NPLOC4: variants seen among roughly 807,000 people sequenced by gnomAD.
NPLOC4 encodes nuclear protein localization protein 4 homolog.
In NPLOC4, 18 loss-of-function variants were observed where a neutral mutation model predicts 80.6. The ratio of observed to expected loss-of-function variants is 0.22; its 90% CI spans 0.15 to 0.33. NPLOC4 has a LOEUF of 0.33. Ranked by LOEUF, NPLOC4 falls within the 10% of genes least tolerant of loss-of-function variation. NPLOC4 has a pLI of 1.00. For synonymous variants in NPLOC4, 313 were observed against 301.5 expected, an observed-to-expected ratio of 1.04 and a Z score of -0.39; for missense variants, 540 against 786.1, an observed-to-expected ratio of 0.69 and a Z score of 3.74.
rs909174696 is a variant in NPLOC4 at position 81,575,649 on chromosome 17, C to T, written c.1282-3561G>A. On this transcript the variant is annotated intron_variant, in intron 12 of 16. Transcript: ENST00000331134. ...AGCTGTGTAGAGACTGGGCCCCCCACACTACGTGCGCAGGCTCCCCGCCTC... is the reference window on the plus strand; with the variant it reads ...AGCTGTGTAGAGACTGGGCCCCCCATACTACGTGCGCAGGCTCCCCGCCTC... Among the ~76,000 whole-genome samples the T allele has an allele frequency of 1.0e-3, 156 of 152,278 alleles. 1 individual carries two copies. The highest frequency in any genetic ancestry group is 1.9e-4 in the East Asian group (1 of 5,166).
chr17:81,616,160 TA>T (rs778399557), intron 3 of NPLOC4, among the ~76,000 whole-genome samples: 36 of 140,934 alleles, frequency 2.6e-4, no homozygotes, highest in South Asian at 4.5e-4. Context: ...CTGCTAAAAA[TA>T]AAAAAAAAAA....
At chr17:81,624,658 G>A (rs889035583) in intron 2 of NPLOC4, among the ~76,000 whole-genome samples, 2 of 152,108 alleles carry the variant, frequency 1.3e-5, no homozygotes, top group Non-Finnish European at 2.9e-5. Context: ...CCAACAAATG[G>A]GGGAGACAAA....
At chr17:81,627,025 G>A (rs2035812361) in intron 2 of NPLOC4, among the ~76,000 whole-genome samples, 2 of 151,802 alleles carry the variant, frequency 1.3e-5, no homozygotes, top group African/African-American at 2.4e-5. Flanking sequence ...GGGAGGCGGA[G>A]GTTGCAGTGA....
intron 1 of NPLOC4, chr17:81,630,018 T>G (rs968741687): frequency 9.9e-6 from 5 of 503,438 alleles, no homozygotes; most frequent in African/African-American, 9.6e-5. Context: ...AAGAGTACTG[T>G]CCTCTCAACT....
At chr17:81,602,519 A>G (rs1430055290) in intron 8 of NPLOC4, among the ~76,000 whole-genome samples, 1 of 152,082 alleles carries the variant, frequency 6.6e-6, no homozygotes, top group Admixed American at 6.6e-5. Flanking sequence ...CCTGACCAAC[A>G]TGGTGAAACC....
At chr17:81,559,755 T>C (rs1278546161) in intron 16 of NPLOC4, among the ~76,000 whole-genome samples, 1 of 109,984 alleles carries the variant, frequency 9.1e-6, no homozygotes, top group East Asian at 3.6e-4. Context: ...TTTTCTGAGG[T>C]AGGGTCTTGC....
chr17:81,600,462 G>A (rs2035033466), intron 8 of NPLOC4, 35 bp from the exon 9 acceptor site: 1 of 1,547,854 alleles, frequency 6.5e-7, no homozygotes. Flanking sequence ...TGGACTTAGA[G>A]CAGAGGGCTC....
intron 1 of NPLOC4, among the ~76,000 whole-genome samples, chr17:81,631,727 C>A (rs1299129197): frequency 2.6e-5 from 4 of 152,086 alleles, no homozygotes; most frequent in African/African-American, 7.2e-5. Flanking sequence ...CTTCTCCTCT[C>A]AGCAAAGACT....
intron 6 of NPLOC4, among the ~76,000 whole-genome samples, chr17:81,607,079 C>T (rs1193588850): frequency 6.6e-6 from 1 of 152,160 alleles, no homozygotes; most frequent in Non-Finnish European, 1.5e-5. Flanking sequence ...GTGTTTTTTA[C>T]CATCTATCAC....
chr17:81,559,909 T>C (rs2033796825), intron 16 of NPLOC4, among the ~76,000 whole-genome samples: 1 of 151,568 alleles, frequency 6.6e-6, no homozygotes, highest in African/African-American at 2.4e-5. Context: ...ATTTTATCTA[T>C]TTTTTGGTAG....
intron 3 of NPLOC4, among the ~76,000 whole-genome samples, chr17:81,615,892 T>C (rs2035471761): frequency 6.6e-6 from 1 of 152,176 alleles, no homozygotes; most frequent in Non-Finnish European, 1.5e-5. Flanking sequence ...TGCTGGGCCA[T>C]GCATCTGGAG....
At position 81,562,743 on chromosome 17, in the gene NPLOC4, A is replaced by T. The variant is rs530586420; in HGVS notation, c.1669+2762T>A. ...CGCTTGGGCCCAAGAGTTCAAGACC[A>T]GCCTGGGCAACATAGTGAGACCTCA... On this transcript the variant is annotated intron_variant, in intron 16 of 16. Coordinates refer to ENST00000331134, the MANE Select transcript of NPLOC4 (RefSeq NM_017921.4). 2.0e-5 allele frequency: 3 copies of T among 151,996 alleles called. No individual in the cohort carries two copies. The East Asian group carries it at 5.8e-4, about 29-fold the overall frequency. 9.4% of individuals were successfully genotyped at this position (151,996 alleles called of 1,614,324 possible). A position where few individuals can be genotyped will look rare whatever the true frequency, so the allele number is the denominator to read the frequency against.
At chr17:81,636,097 C>T (rs979584910) in intron 1 of NPLOC4, among the ~76,000 whole-genome samples, 3 of 152,060 alleles carry the variant, frequency 2.0e-5, no homozygotes, top group African/African-American at 7.2e-5. Context: ...CTCAGCCTCC[C>T]AAGTATCTGG....
At chr17:81,565,258 G>A (rs1598615652) in intron 16 of NPLOC4, 4 of 684,800 alleles carry the variant, frequency 5.8e-6, no homozygotes, top group Admixed American at 2.1e-5. Context: ...TGATGTACAG[G>A]TTTATAAAAT....
At chr17:81,583,061 G>A (rs771388891) in intron 12 of NPLOC4, among the ~76,000 whole-genome samples, 10 of 152,282 alleles carry the variant, frequency 6.6e-5, no homozygotes, top group Non-Finnish European at 1.3e-4. Flanking sequence ...GAGTGTGTGT[G>A]ACACACCCAT....
chr17:81,594,594 T>C (rs2034845860), intron 11 of NPLOC4, among the ~76,000 whole-genome samples: 1 of 151,574 alleles, frequency 6.6e-6, no homozygotes, highest in Non-Finnish European at 1.5e-5. Flanking sequence ...GCTAGCATGG[T>C]GAAACCCCAT....
At chr17:81,565,826 G>A (rs2033993403) in intron 15 of NPLOC4, among the ~76,000 whole-genome samples, 1 of 152,224 alleles carries the variant, frequency 6.6e-6, no homozygotes, top group African/African-American at 2.4e-5. Flanking sequence ...ATAGGCCCAA[G>A]CGGGCATCTG....
At chr17:81,593,150 A>T (rs1464748668) in intron 11 of NPLOC4, among the ~76,000 whole-genome samples, 1 of 152,194 alleles carries the variant, frequency 6.6e-6, no homozygotes, top group East Asian at 1.9e-4. Flanking sequence ...TGAGATTAGA[A>T]GCAATTCTGT....
intron 11 of NPLOC4, among the ~76,000 whole-genome samples, chr17:81,593,630 C>T (rs1298283178): frequency 6.6e-6 from 1 of 151,898 alleles, no homozygotes; most frequent in African/African-American, 2.4e-5. Context: ...TGGAAACTAC[C>T]AGCCTACACT....
Sources: gnomAD v4.1 joint callset for allele counts (sites outside exome capture counted in the v4.1 genomes callset) on GRCh38, gnomAD v4.1.1 for gene constraint, MANE v1.5 for transcripts, NCBI Gene and HGNC (gene_info 2026-07-23, HGNC 2026-07-21) for gene names.